SORCS3: variants seen among roughly 807,000 people sequenced by gnomAD.
The protein encoded by SORCS3 is sortilin related VPS10 domain containing receptor 3.
Under a neutral mutation model 146.3 loss-of-function variants are expected in SORCS3, and 57 were observed. That is an observed-to-expected ratio of 0.39 (90% CI 0.31 to 0.49). The LOEUF (loss-of-function observed/expected upper bound fraction) is 0.49, where lower values mean the gene tolerates loss of function less well. Ranked by LOEUF, SORCS3 falls within the 20% of genes least tolerant of loss-of-function variation. The probability of loss-of-function intolerance (pLI) is 0.92; values close to 1 mark genes in which losing one functional copy is unlikely to be tolerated. For synonymous variants in SORCS3, 653 were observed against 618.5 expected, an observed-to-expected ratio of 1.06 and a Z score of -0.83; for missense variants, 1,341 against 1,575.5, an observed-to-expected ratio of 0.85 and a Z score of 2.52.
chr10:104,918,626 A>G (rs1293901732), intron 3 of SORCS3, among the ~76,000 whole-genome samples: 1 of 152,148 alleles, frequency 6.6e-6, no homozygotes, highest in Non-Finnish European at 1.5e-5. Flanking sequence ...CAGCCAACTC[A>G]ACAGGTTAGG....
At chr10:104,903,134 C>T (rs1471205076) in intron 2 of SORCS3, among the ~76,000 whole-genome samples, 1 of 152,184 alleles carries the variant, frequency 6.6e-6, no homozygotes, top group East Asian at 1.9e-4. Flanking sequence ...AGTCACTTAA[C>T]GTCTCCGAGT....
At chr10:105,164,084 G>C (rs879744660) in intron 11 of SORCS3, among the ~76,000 whole-genome samples, 8 of 152,180 alleles carry the variant, frequency 5.3e-5, no homozygotes, top group Non-Finnish European at 1.0e-4. Context: ...TTTGACTCAT[G>C]ACATTGAATG....
chr10:105,251,255 G>A (rs1192605998), intron 22 of SORCS3, among the ~76,000 whole-genome samples: 2 of 152,152 alleles, frequency 1.3e-5, no homozygotes, highest in Non-Finnish European at 1.5e-5. Context: ...AGCGAAGGGG[G>A]AAAGGCCCCT....
intron 2 of SORCS3, among the ~76,000 whole-genome samples, chr10:104,892,442 C>T (rs1328816173): frequency 6.6e-6 from 1 of 152,194 alleles, no homozygotes; most frequent in Non-Finnish European, 1.5e-5. Flanking sequence ...TAGTATCTGG[C>T]CGGGAGCAGT....
intron 20 of SORCS3, among the ~76,000 whole-genome samples, chr10:105,236,635 A>T (rs2056794414): frequency 1.3e-5 from 2 of 152,156 alleles, no homozygotes; most frequent in African/African-American, 4.8e-5. Flanking sequence ...TGGAAGACAC[A>T]ATGTTTCTCT....
intron 1 of SORCS3, among the ~76,000 whole-genome samples, chr10:104,646,652 G>A (rs918307149): frequency 2.6e-5 from 4 of 152,158 alleles, no homozygotes; most frequent in South Asian, 4.1e-4. Context: ...TTGATTTCCC[G>A]CTTTCTGCCT....
At chr10:104,959,874 G>A (rs1405577738) in intron 3 of SORCS3, among the ~76,000 whole-genome samples, 1 of 152,172 alleles carries the variant, frequency 6.6e-6, no homozygotes, top group Non-Finnish European at 1.5e-5. Context: ...GGAGCTAAAT[G>A]TCTCTCCTCT....
chr10:104,887,752 C>T (rs937576402), intron 2 of SORCS3, among the ~76,000 whole-genome samples: 76 of 152,276 alleles, frequency 5.0e-4, no homozygotes, highest in African/African-American at 1.8e-3. Context: ...GTTGTGCTCA[C>T]TTATTCTCAC....
chr10:104,927,644 C>T (rs1199778113), intron 3 of SORCS3, among the ~76,000 whole-genome samples: 2 of 150,970 alleles, frequency 1.3e-5, no homozygotes, highest in Admixed American at 6.6e-5. Context: ...TTTGGGAGGC[C>T]GAGGCAGGTG....
chr10:105,175,635 A>G (rs1440987683), intron 13 of SORCS3, among the ~76,000 whole-genome samples: 2 of 152,172 alleles, frequency 1.3e-5, no homozygotes, highest in Non-Finnish European at 2.9e-5. Context: ...ACATGTTTTC[A>G]CTTTTGAAAT....
At chr10:104,766,253 T>A (rs1006375262) in intron 1 of SORCS3, among the ~76,000 whole-genome samples, 2 of 152,116 alleles carry the variant, frequency 1.3e-5, no homozygotes, top group African/African-American at 4.8e-5. Flanking sequence ...GTGGTATTCA[T>A]GAGCAGAGCT....
chr10:104,980,108 T>C lies in SORCS3; in HGVS notation c.954+2615T>C, dbSNP rs116200256. Among the ~76,000 whole-genome samples the C allele has an allele frequency of 8.2e-3, 1,245 of 152,346 alleles. 20 individuals carry two copies. The highest frequency in any genetic ancestry group is 0.029 in the African/African-American group (1,200 of 41,586). On this transcript the variant is annotated intron_variant, in intron 4 of 26. Coordinates refer to ENST00000369701, the MANE Select transcript of SORCS3 (RefSeq NM_014978.3). ...CCTTATGGATATAATGCATTCAAAA[T>C]ACTTTCAGACTTGGTGGCTGCTCTT...
At chr10:105,035,930 A>C (rs2055303280) in intron 4 of SORCS3, among the ~76,000 whole-genome samples, 1 of 152,210 alleles carries the variant, frequency 6.6e-6, no homozygotes, top group Admixed American at 6.5e-5. Context: ...TTGCTGTCAC[A>C]GCTCATTTTA....
At chr10:105,187,091 G>C (rs2059149077) in intron 14 of SORCS3, among the ~76,000 whole-genome samples, 1 of 152,032 alleles carries the variant, frequency 6.6e-6, no homozygotes, top group African/African-American at 2.4e-5. Context: ...TTAGTTTTGA[G>C]AAAAGAATCA....
chr10:104,746,163 G>C (rs1049164358), intron 1 of SORCS3, among the ~76,000 whole-genome samples: 4 of 149,230 alleles, frequency 2.7e-5, no homozygotes, highest in Non-Finnish European at 4.4e-5. Flanking sequence ...TTAAGGTGGA[G>C]TCTCGCTCTG....
chr10:104,678,472 T>G (rs2015937068), intron 1 of SORCS3, among the ~76,000 whole-genome samples: 2 of 152,198 alleles, frequency 1.3e-5, no homozygotes, highest in Non-Finnish European at 2.9e-5. Flanking sequence ...GGTTCAGAGT[T>G]TCTTTCATTT....
At chr10:104,887,647 C>T (rs1262265170) in intron 2 of SORCS3, among the ~76,000 whole-genome samples, 5 of 152,024 alleles carry the variant, frequency 3.3e-5, no homozygotes, top group Non-Finnish European at 7.4e-5. Flanking sequence ...CCTCAAGATC[C>T]CCAAGTGGTG....
At chr10:104,702,567 C>T (rs1276330008) in intron 1 of SORCS3, among the ~76,000 whole-genome samples, 2 of 152,178 alleles carry the variant, frequency 1.3e-5, no homozygotes, top group Non-Finnish European at 2.9e-5. Context: ...GAATTACAGG[C>T]GTGAACCACC....
chr10:104,964,142 C>A (rs1472453418), intron 3 of SORCS3, among the ~76,000 whole-genome samples: 1 of 152,148 alleles, frequency 6.6e-6, no homozygotes, highest in Non-Finnish European at 1.5e-5. Flanking sequence ...GATTAAAAAA[C>A]AAGCCCTAGA....
Sources: allele counts gnomAD v4.1 joint callset (sites outside exome capture counted in the v4.1 genomes callset), GRCh38; gene constraint gnomAD v4.1.1; transcripts MANE v1.5; gene names NCBI Gene and HGNC (gene_info 2026-07-23, HGNC 2026-07-21).